GOLM2: variants seen among roughly 807,000 people sequenced by gnomAD.
GOLM2 encodes the protein golgi membrane protein 2.
Under a neutral mutation model 55.9 loss-of-function variants are expected in GOLM2, and 26 were observed. That is an observed-to-expected ratio of 0.47 (90% confidence interval 0.34 to 0.65). GOLM2 has a LOEUF of 0.65. GOLM2 is among the 30% of genes least tolerant of loss of function. The pLI is 0.01. For synonymous variants in GOLM2, 165 were observed against 194.6 expected (o/e 0.85, Z 1.27); for missense variants, 486 against 531.8 (o/e 0.91, Z 0.85).
intron 6 of GOLM2, among the ~76,000 whole-genome samples, chr15:44,340,082 A>C (rs915936140): frequency 1.3e-5 from 2 of 152,192 alleles, no homozygotes; most frequent in South Asian, 4.2e-4. Context: ...TTGGCCTCCC[A>C]AAATGCAGGG....
chr15:44,319,878 T>G (rs2078937474), intron 1 of GOLM2, among the ~76,000 whole-genome samples: 3 of 152,208 alleles, frequency 2.0e-5, no homozygotes, highest in African/African-American at 7.2e-5. Flanking sequence ...CGTGAGCCAC[T>G]GCACCTGGCC....
At chr15:44,410,075 G>A (rs1236578796) in intron 9 of GOLM2, among the ~76,000 whole-genome samples, 2 of 152,086 alleles carry the variant, frequency 1.3e-5, no homozygotes, top group African/African-American at 2.4e-5. Flanking sequence ...ATAGCCATAA[G>A]GTGAGGTTCT....
chr15:44,389,955 C>G (rs1314800172), intron 8 of GOLM2: 1 of 152,244 alleles, frequency 6.6e-6, no homozygotes, highest in Non-Finnish European at 1.5e-5. Context: ...GCTGGGACTA[C>G]AGGCATGAGC....
intron 6 of GOLM2, among the ~76,000 whole-genome samples, chr15:44,372,084 A>T (rs2141186233): frequency 6.6e-6 from 1 of 152,330 alleles, no homozygotes; most frequent in East Asian, 1.9e-4. Flanking sequence ...TTAATAAATT[A>T]CAGAGCCATG....
chr15:44,328,858 C>A, intron 3 of GOLM2, 71 bp downstream of exon 3: 2 of 995,784 alleles, frequency 2.0e-6, no homozygotes, highest in South Asian at 2.0e-5. Flanking sequence ...CAGTTCATTT[C>A]TTTCTCTCTG....
chr15:44,314,401 A>T (rs2078894969), intron 1 of GOLM2, among the ~76,000 whole-genome samples: 1 of 151,988 alleles, frequency 6.6e-6, no homozygotes, highest in African/African-American at 2.4e-5. Context: ...TCTACTAAAA[A>T]TACAGAAATT....
rs181076544 is a variant in GOLM2 at position 44,289,886 on chromosome 15, G to C, written c.327+530G>C. Among the ~76,000 whole-genome samples, 14 of 152,290 alleles carry C rather than the reference G, an allele frequency of 9.2e-5. No homozygotes were observed. The East Asian group carries it at 2.1e-3, about 23-fold the overall frequency. On this transcript the variant is annotated intron_variant, in intron 1 of 9. Transcript: ENST00000299957. The surrounding 1 kb of genome is among the most constrained non-coding windows in gnomAD (Gnocchi z 4.8). ...AATAACTAAATAATCAGCTATGACT[G>C]CCTTTTTGTGATCAAAATGTTATGA... is the stretch of plus-strand genomic sequence containing the variant.
chr15:44,413,387 A>AT lies in GOLM2; in HGVS notation c.1295dup (p.Asn433GlnfsTer2). The AT allele has an allele frequency of 6.2e-7, 1 of 1,610,330 alleles. No homozygotes were observed. Among genetic ancestry groups the AT allele is most frequent in the East Asian group, 2.2e-5 (1 of 44,726 alleles). Reference sequence around the variant, plus strand: ...GATCCTGCAGACTATGGAAAGCAACATTTCAATGATGTCCTTTAAGTCCTA... The same window carrying AT: ...GATCCTGCAGACTATGGAAAGCAACATTTTCAATGATGTCCTTTAAGTCCTA... On this transcript the variant is annotated frameshift_variant, in exon 10 of 10. Transcript: ENST00000299957. LOFTEE classifies it high-confidence loss of function.
chr15:44,411,600 G>A (rs1308955662), intron 9 of GOLM2, among the ~76,000 whole-genome samples: 2 of 152,174 alleles, frequency 1.3e-5, no homozygotes, highest in Non-Finnish European at 2.9e-5. Flanking sequence ...CCAGTACTTT[G>A]GGTGGCTGAG....
At chr15:44,408,070 G>C (rs917348989) in intron 9 of GOLM2, among the ~76,000 whole-genome samples, 1 of 152,156 alleles carries the variant, frequency 6.6e-6, no homozygotes, top group Admixed American at 6.6e-5. Context: ...TTCTTTAATG[G>C]AGGTGGCCTT....
At chr15:44,351,279 CGAAA>C (rs1244662852) in intron 6 of GOLM2, among the ~76,000 whole-genome samples, 1 of 151,838 alleles carries the variant, frequency 6.6e-6, no homozygotes, top group Non-Finnish European at 1.5e-5. Context: ...AGCAATCAGA[CGAAA>C]GAAAGAAAGG....
intron 1 of GOLM2, among the ~76,000 whole-genome samples, chr15:44,321,589 CAT>C (rs1006545846): frequency 6.6e-6 from 1 of 151,834 alleles, no homozygotes; most frequent in African/African-American, 2.4e-5. Flanking sequence ...TTTAAAATGA[CAT>C]AGAGCTATAC....
intron 6 of GOLM2, among the ~76,000 whole-genome samples, chr15:44,359,954 G>A (rs1464079808): frequency 1.3e-5 from 2 of 150,866 alleles, no homozygotes; most frequent in Non-Finnish European, 3.0e-5. Context: ...GCCAAACTAA[G>A]CTTCATAAGT....
At chr15:44,317,868 G>A (rs541934937) in intron 1 of GOLM2, among the ~76,000 whole-genome samples, 1 of 152,222 alleles carries the variant, frequency 6.6e-6, no homozygotes, top group Admixed American at 6.5e-5. Context: ...ACCCCGATTA[G>A]AAATCTAAGC....
intron 4 of GOLM2, among the ~76,000 whole-genome samples, chr15:44,332,307 A>T (rs2079027567): frequency 6.6e-6 from 1 of 152,208 alleles, no homozygotes; most frequent in South Asian, 2.1e-4. Flanking sequence ...CTGTAATCCC[A>T]GCACTTTGGG....
chr15:44,403,193 G>A (rs1024110422), intron 9 of GOLM2, 139 bp downstream of exon 9: 8 of 939,534 alleles, frequency 8.5e-6, no homozygotes, highest in East Asian at 5.4e-5. Flanking sequence ...ACGGAATTTC[G>A]CTTTTGTTGC....
intron 7 of GOLM2, 125 bp downstream of exon 7, chr15:44,379,913 A>G (rs2079391040): frequency 2.1e-6 from 1 of 486,932 alleles, no homozygotes; most frequent in African/African-American, 2.0e-5. Context: ...AGGTAATGTT[A>G]TTTTTTTTTA....
At chr15:44,358,460 CTT>C (rs1291748842) in intron 6 of GOLM2, among the ~76,000 whole-genome samples, 6 of 152,200 alleles carry the variant, frequency 3.9e-5, no homozygotes, top group African/African-American at 1.4e-4. Context: ...GACCTCGAGA[CTT>C]AATATTAGAG....
At chr15:44,314,950 C>T (rs1169411531) in intron 1 of GOLM2, among the ~76,000 whole-genome samples, 3 of 152,188 alleles carry the variant, frequency 2.0e-5, no homozygotes, top group Non-Finnish European at 4.4e-5. Flanking sequence ...CAAAAATAAT[C>T]ATTTAATACC....
Sources: allele counts gnomAD v4.1 joint callset (sites outside exome capture counted in the v4.1 genomes callset), GRCh38; gene constraint gnomAD v4.1.1; non-coding constraint Gnocchi (gnomAD v3.1); transcripts MANE v1.5; gene names NCBI Gene and HGNC (gene_info 2026-07-23, HGNC 2026-07-21).